The following CCSER1 variants were observed in gnomAD, a reference collection of about 807,000 sequenced individuals.
CCSER1 encodes the protein coiled-coil serine rich protein 1.
In CCSER1, 41 loss-of-function variants were observed where a neutral mutation model predicts 82.0. The ratio of observed to expected loss-of-function variants is 0.50; its 90% CI spans 0.39 to 0.65. The LOEUF is 0.65. Ranked by LOEUF, CCSER1 falls within the 30% of genes least tolerant of loss-of-function variation. The pLI is 0.00. For synonymous variants in CCSER1, 414 were observed against 383.9 expected (o/e 1.08, Z -0.92); for missense variants, 1,119 against 1,064.2 (o/e 1.05, Z -0.72).
rs55805596 is a variant in CCSER1 at position 91,094,372 on chromosome 4, C to G, written c.2217+8378C>G. ...GTCTGATGCTAAAGAAGGCATCCTTCAAGTCCAGACAAGTGAACCAGCTGT... is the reference window on the plus strand; with the variant it reads ...GTCTGATGCTAAAGAAGGCATCCTTGAAGTCCAGACAAGTGAACCAGCTGT... On this transcript the variant is annotated intron_variant, in intron 10 of 10. Transcript: ENST00000509176. Among the ~76,000 whole-genome samples, 726 of 152,306 alleles carry G rather than the reference C, an allele frequency of 4.8e-3. 8 individuals are homozygous for G. Among genetic ancestry groups the G allele is most frequent in the African/African-American group, 0.016 (677 of 41,576 alleles).
At chr4:90,971,066 T>C (rs892789080) in intron 9 of CCSER1, among the ~76,000 whole-genome samples, 1 of 151,610 alleles carries the variant, frequency 6.6e-6, no homozygotes, top group African/African-American at 2.4e-5. Context: ...ATAGTAAATA[T>C]TACAGCAGAA....
intron 7 of CCSER1, among the ~76,000 whole-genome samples, chr4:90,810,366 G>A (rs975894327): frequency 2.6e-5 from 4 of 152,098 alleles, no homozygotes; most frequent in African/African-American, 9.7e-5. Context: ...AGTTCAGTGA[G>A]GCCAGGAACA....
intron 10 of CCSER1, among the ~76,000 whole-genome samples, chr4:91,469,293 C>T (rs1757131141): frequency 6.6e-6 from 1 of 152,142 alleles, no homozygotes; most frequent in Admixed American, 6.6e-5. Context: ...AACAATGAGA[C>T]ATGAAGTGCT....
At chr4:90,921,816 T>C (rs1728423296) in intron 8 of CCSER1, among the ~76,000 whole-genome samples, 1 of 152,080 alleles carries the variant, frequency 6.6e-6, no homozygotes, top group African/African-American at 2.4e-5. Context: ...CATGTACTTA[T>C]GATTCTAATC....
Position 90,309,043 on chromosome 4 carries a change from A to C in CCSER1, c.759A>C (p.Thr253=), listed in dbSNP as rs35038198. The stretch of plus-strand genomic sequence containing the variant: ...CTTTGCTTTCTGCTGATCTTACCAC[A>C]GCTCAGACACCTTCAGAATTTTTAG... ...QSPLLSADLT[T]AQTPSEFLAL... is the part of the protein sequence containing the mutation. The change falls in exon 2 of 11, where the codon ACA becomes ACC. Residue 253 remains threonine (T), a synonymous_variant. Coordinates refer to ENST00000509176, the MANE Select transcript of CCSER1 (RefSeq NM_001145065.2). The C allele has an allele frequency of 3.4e-3, 5,565 of 1,613,854 alleles. 281 individuals carry two copies. The Admixed American group carries it at 0.088, about 26-fold the overall frequency.
intron 1 of CCSER1, among the ~76,000 whole-genome samples, chr4:90,296,475 G>T (rs1045574368): frequency 6.6e-6 from 1 of 152,098 alleles, no homozygotes; most frequent in Non-Finnish European, 1.5e-5. Context: ...TTCTTTTGCT[G>T]TGCAGAAGCT....
intron 9 of CCSER1, among the ~76,000 whole-genome samples, chr4:91,049,935 A>G (rs1434218559): frequency 1.3e-5 from 2 of 152,306 alleles, no homozygotes; most frequent in Non-Finnish European, 2.9e-5. Flanking sequence ...CCAGGCTACT[A>G]CTTATTTGTT....
intron 3 of CCSER1, among the ~76,000 whole-genome samples, chr4:90,360,164 G>C (rs1416500294): frequency 6.7e-6 from 1 of 148,352 alleles, no homozygotes; most frequent in Non-Finnish European, 1.5e-5. Flanking sequence ...TGATCCGCCC[G>C]CCTCAGCCTC....
chr4:90,911,878 A>G (rs954853603), intron 8 of CCSER1, among the ~76,000 whole-genome samples: 1 of 152,158 alleles, frequency 6.6e-6, no homozygotes, highest in Non-Finnish European at 1.5e-5. Context: ...AGCCTCGCTC[A>G]TTGCTAGCAC....
intron 7 of CCSER1, among the ~76,000 whole-genome samples, chr4:90,798,912 A>T (rs2123956): frequency 0.35 from 52,933 of 152,010 alleles, 9,588 homozygotes; most frequent in African/African-American, 0.46. Context: ...CACAGGTCAC[A>T]ACACTCTGAT....
chr4:91,044,764 CACCT>C (rs1297478708), intron 9 of CCSER1, among the ~76,000 whole-genome samples: 2 of 152,134 alleles, frequency 1.3e-5, no homozygotes, highest in Admixed American at 1.3e-4. Flanking sequence ...AGGTTAGATC[CACCT>C]GTACATCTCA....
chr4:90,266,197 G>T (rs767009313), intron 1 of CCSER1, among the ~76,000 whole-genome samples: 4 of 152,096 alleles, frequency 2.6e-5, no homozygotes, highest in Non-Finnish European at 5.9e-5. Context: ...GATTCAGTAT[G>T]AAAGTATTGA....
At chr4:90,819,512 C>T (rs1759463059) in intron 8 of CCSER1, among the ~76,000 whole-genome samples, 1 of 149,990 alleles carries the variant, frequency 6.7e-6, no homozygotes, top group African/African-American at 2.4e-5. Flanking sequence ...AAAATTATTA[C>T]ATTGCCTTAA....
chr4:90,498,243 CAAT>C (rs1289669267), intron 5 of CCSER1, among the ~76,000 whole-genome samples: 7 of 152,092 alleles, frequency 4.6e-5, no homozygotes, highest in East Asian at 1.9e-4. Context: ...TTAAATAGAA[CAAT>C]AATAACAATT....
intron 6 of CCSER1, among the ~76,000 whole-genome samples, chr4:90,650,315 A>G (rs1455164404): frequency 1.3e-5 from 2 of 152,186 alleles, no homozygotes; most frequent in Non-Finnish European, 2.9e-5. Flanking sequence ...GAAGGTTGCC[A>G]TGTTTTCTGT....
chr4:90,749,178 G>A (rs370309097), intron 7 of CCSER1, among the ~76,000 whole-genome samples: 9,435 of 150,466 alleles, frequency 0.063, 343 homozygotes, highest in East Asian at 0.16. Context: ...TAGGTCTAAC[G>A]TTTAAGTCTT....
intron 1 of CCSER1, 139 bp from the exon 2 acceptor site, chr4:90,308,105 G>C (rs1194517021): frequency 1.8e-6 from 1 of 562,680 alleles, no homozygotes; most frequent in Non-Finnish European, 2.9e-6. Context: ...ATCTTTATTA[G>C]GTATCAGATT....
intron 10 of CCSER1, among the ~76,000 whole-genome samples, chr4:91,283,561 C>T (rs781491420): frequency 4.3e-4 from 66 of 151,916 alleles, no homozygotes; most frequent in Non-Finnish European, 9.1e-4. Flanking sequence ...TAAATGTTCC[C>T]ATCTTTTGCT....
intron 3 of CCSER1, among the ~76,000 whole-genome samples, chr4:90,374,881 T>C (rs1748047254): frequency 6.6e-6 from 1 of 152,156 alleles, no homozygotes; most frequent in African/African-American, 2.4e-5. Flanking sequence ...CCCCAATAAT[T>C]AATGGGCTGA....
Sources: gnomAD v4.1 joint callset for allele counts (sites outside exome capture counted in the v4.1 genomes callset) on GRCh38, gnomAD v4.1.1 for gene constraint, MANE v1.5 for transcripts, NCBI Gene and HGNC (gene_info 2026-07-23, HGNC 2026-07-21) for gene names.